The following RGPD5 variants were observed in gnomAD, a reference collection of about 807,000 sequenced individuals.
RGPD5 encodes the protein RANBP2 like and GRIP domain containing 5.
At chr2:109,764,089 G>GT in the RGPD5 span, among the ~76,000 whole-genome samples, 4,487 of 147,954 alleles carry the variant, frequency 0.03, 217 homozygotes, top group Non-Finnish European at 0.038. Context: ...CCAGATGGCT[G>GT]TTTCAACTTT....
the RGPD5 span, among the ~76,000 whole-genome samples, chr2:109,764,168 G>A: frequency 6.7e-6 from 1 of 150,228 alleles, no homozygotes; most frequent in Non-Finnish European, 1.5e-5. Flanking sequence ...CCAGTTTCTG[G>A]TTTGAAGCAA....
At chr2:109,762,396 T>C in the RGPD5 span, among the ~76,000 whole-genome samples, 27 of 150,466 alleles carry the variant, frequency 1.8e-4, 2 homozygotes, top group African/African-American at 4.9e-4. Flanking sequence ...TTTAAAATGC[T>C]GTTTGCTTTT....
intron 1 of RGPD5, among the ~76,000 whole-genome samples, chr2:109,799,316 G>T (rs1201518148): frequency 1.1e-5 from 1 of 92,592 alleles, no homozygotes; most frequent in South Asian, 4.6e-4. Flanking sequence ...TATTATTTTT[G>T]TTAAGATTGC....
chr2:109,761,307 A>G, the RGPD5 span, among the ~76,000 whole-genome samples: 2 of 149,708 alleles, frequency 1.3e-5, no homozygotes, highest in African/African-American at 4.9e-5. Flanking sequence ...GTGAACATCC[A>G]GGGCGGGAAA....
the RGPD5 span, among the ~76,000 whole-genome samples, chr2:109,767,294 G>A: frequency 6.7e-6 from 1 of 149,750 alleles, no homozygotes. Context: ...ACCCTGGGAC[G>A]GTTTTGAGTA....
At chr2:109,794,672 T>C (rs1676890914) in intron 1 of RGPD5, 135 bp downstream of exon 1, 1 of 679,938 alleles carries the variant, frequency 1.5e-6, no homozygotes, top group African/African-American at 3.2e-5. Context: ...GGGGCGCTGC[T>C]CCGTGGCGCG....
the RGPD5 span, among the ~76,000 whole-genome samples, chr2:109,763,389 G>A: frequency 5.3e-5 from 8 of 150,152 alleles, 3 homozygotes; most frequent in Admixed American, 5.4e-4. Flanking sequence ...TCTAAAAATG[G>A]GGCAGCCATA....
At chr2:109,764,041 A>G in the RGPD5 span, among the ~76,000 whole-genome samples, 5 of 145,072 alleles carry the variant, frequency 3.4e-5, no homozygotes, top group Non-Finnish European at 6.0e-5. Flanking sequence ...AAACATCCAT[A>G]CTTACTCTTC....
At chr2:109,762,415 G>T in the RGPD5 span, among the ~76,000 whole-genome samples, 12 of 150,312 alleles carry the variant, frequency 8.0e-5, 1 homozygote, top group Admixed American at 5.5e-4. Context: ...TTAAAAGGCA[G>T]TTTTTCAGTC....
the RGPD5 span, among the ~76,000 whole-genome samples, chr2:109,764,459 T>C: frequency 2.7e-5 from 4 of 149,058 alleles, no homozygotes. Context: ...TAACAAATAT[T>C]TATTGATCAT....
chr2:109,762,301 C>T, the RGPD5 span, among the ~76,000 whole-genome samples: 133 of 149,480 alleles, frequency 8.9e-4, 9 homozygotes, highest in South Asian at 5.7e-3. Context: ...CTTTCATTTA[C>T]AGATACCTAT....
At position 109,799,261 on chromosome 2, in the gene RGPD5, G is replaced by T. The variant is rs1315306971; in HGVS notation, c.73-2522G>T. Among the ~76,000 whole-genome samples, 12 of 136,852 alleles carry T rather than the reference G, an allele frequency of 8.8e-5. No individual in the cohort carries two copies. The East Asian group carries it at 2.3e-3, about 26-fold the overall frequency. 89.8% of individuals were successfully genotyped at this position (136,852 alleles called of 152,430 possible). On this transcript the variant is annotated intron_variant, in intron 1 of 22. Transcript: ENST00000016946. ...TCAAAAAAAAAAAAAAAAAAGGAAG[G>T]GGGGAACAGGCCTTGTTCCTTTATG...
the RGPD5 span, among the ~76,000 whole-genome samples, chr2:109,766,107 C>T: frequency 6.6e-6 from 1 of 150,420 alleles, no homozygotes; most frequent in Non-Finnish European, 1.5e-5. Flanking sequence ...TGCGTGTACT[C>T]ACACTGGCCG....
At chr2:109,777,579 A>C in the RGPD5 span, among the ~76,000 whole-genome samples, 7,077 of 125,964 alleles carry the variant, frequency 0.056, 385 homozygotes, top group South Asian at 0.13. Flanking sequence ...ATAAAGGAAT[A>C]TGACTTTCTC....
the RGPD5 span, among the ~76,000 whole-genome samples, chr2:109,761,730 A>G: frequency 6.8e-6 from 1 of 146,292 alleles, no homozygotes; most frequent in Non-Finnish European, 1.5e-5. Flanking sequence ...TTCCTGGAGG[A>G]ACTTGTGTTA....
At chr2:109,774,485 T>C in the RGPD5 span, among the ~76,000 whole-genome samples, 1 of 340 alleles carries the variant, frequency 2.9e-3, no homozygotes, top group Non-Finnish European at 8.3e-3. Context: ...GCGAGACTCC[T>C]TCTCAAAAAC....
intron 1 of RGPD5, 71 bp downstream of exon 1, chr2:109,794,608 C>CCT (rs1442404835): frequency 5.4e-6 from 1 of 186,098 alleles, no homozygotes. Context: ...GCGGCGGCGG[C>CCT]GGGGGGGGCG....
At chr2:109,799,203 C>T (rs1676928258) in intron 1 of RGPD5, among the ~76,000 whole-genome samples, 2 of 103,002 alleles carry the variant, frequency 1.9e-5, no homozygotes, top group Non-Finnish European at 1.9e-5. Flanking sequence ...CGAGCCACCG[C>T]ACTCCAGCCT....
At chr2:109,771,672 G>A in the RGPD5 span, among the ~76,000 whole-genome samples, 54 of 18,794 alleles carry the variant, frequency 2.9e-3, 1 homozygote, top group Non-Finnish European at 3.7e-3. Context: ...AGTCTGAAAG[G>A]AAGTAGGGTA....
Sources: allele counts gnomAD v4.1 joint callset (sites outside exome capture counted in the v4.1 genomes callset), GRCh38; gene constraint gnomAD v4.1.1; transcripts MANE v1.5; gene names NCBI Gene and HGNC (gene_info 2026-07-23, HGNC 2026-07-21).